Variants in CAMK4 observed in about 807,000 individuals in gnomAD.
CAMK4 encodes calcium/calmodulin dependent protein kinase IV, also known as calcium/calmodulin-dependent protein kinase type IV.
In CAMK4, 22 loss-of-function variants were observed where a neutral mutation model predicts 44.9. That is an observed-to-expected ratio of 0.49 (90% CI 0.35 to 0.70). The LOEUF (loss-of-function observed/expected upper bound fraction) is 0.70, where lower values mean the gene tolerates loss of function less well. Among genes scored for constraint, CAMK4 ranks in the 30% least tolerant of loss-of-function variants. CAMK4 has a pLI of 0.01. For synonymous variants in CAMK4, 218 were observed against 215.4 expected (o/e 1.01, Z -0.11); for missense variants, 498 against 586.8 (o/e 0.85, Z 1.56).
chr5:111,353,570 G>A (rs561552102), intron 2 of CAMK4, among the ~76,000 whole-genome samples: 1 of 152,068 alleles, frequency 6.6e-6, no homozygotes, highest in African/African-American at 2.4e-5. Context: ...AATTGTCTCT[G>A]TAGATTATAT....
chr5:111,298,052 C>A (rs188159134), intron 1 of CAMK4, among the ~76,000 whole-genome samples: 1 of 152,232 alleles, frequency 6.6e-6, no homozygotes, highest in Non-Finnish European at 1.5e-5. Flanking sequence ...GAAGTGCTGT[C>A]CTCACCATAG....
At position 111,441,597 on chromosome 5, in the gene CAMK4, A is replaced by T. The variant is rs538934263; in HGVS notation, c.460-5089A>T. On this transcript the variant is annotated intron_variant, in intron 5 of 10. Transcript: ENST00000282356. ...TTAGACTGACATAGCAGATTTTAAAAATCTTCTCCCCAGTTCTTCTCCCCA... is the reference window on the plus strand; with the variant it reads ...TTAGACTGACATAGCAGATTTTAAATATCTTCTCCCCAGTTCTTCTCCCCA... Among the ~76,000 whole-genome samples, 3 of 152,192 alleles carry T rather than the reference A, an allele frequency of 2.0e-5. No homozygotes were observed. In the South Asian group the frequency reaches 6.2e-4, roughly 32 times the overall value.
intron 7 of CAMK4, among the ~76,000 whole-genome samples, chr5:111,453,784 CT>C (rs1400320644): frequency 2.2e-4 from 34 of 152,156 alleles, no homozygotes; most frequent in Non-Finnish European, 4.6e-4. Flanking sequence ...AGACTACTGC[CT>C]TTTGGGGTAT....
In CAMK4 at chr5:111,482,683, G is replaced by A. The variant is rs1755473701; in HGVS notation, c.829-102G>A. The A allele has an allele frequency of 1.1e-6, 1 of 944,440 alleles. No homozygotes were observed. The highest frequency in any genetic ancestry group is 2.4e-5 in the Admixed American group (1 of 41,192). The allele number at this position is 944,440 out of a possible 1,614,324, so 58.5% of individuals were successfully genotyped here. ...ATTTTTTTCTCACATATATTTAGTG[G>A]TACTGCTGGGAAATGGAATAAGATC... is the stretch of plus-strand genomic sequence containing the variant. On this transcript the variant is annotated intron_variant, in intron 9 of 10. Coordinates refer to ENST00000282356, the MANE Select transcript of CAMK4 (RefSeq NM_001744.6). This position sits in a 1 kb window ranked among gnomAD's most constrained non-coding sequence, Gnocchi z 4.9.
At chr5:111,404,998 G>A (rs927658518) in intron 5 of CAMK4, among the ~76,000 whole-genome samples, 1 of 152,098 alleles carries the variant, frequency 6.6e-6, no homozygotes, top group African/African-American at 2.4e-5. Flanking sequence ...AGATACAGAG[G>A]TCAAGAAATT....
intron 1 of CAMK4, among the ~76,000 whole-genome samples, chr5:111,325,026 T>C (rs2112703943): frequency 6.7e-6 from 1 of 149,242 alleles, no homozygotes; most frequent in African/African-American, 2.5e-5. Flanking sequence ...CAGGCCATGG[T>C]GAGTGATGTT....
intron 4 of CAMK4, among the ~76,000 whole-genome samples, chr5:111,386,531 G>A (rs7718727): frequency 1.8e-3 from 280 of 152,324 alleles, no homozygotes; most frequent in Non-Finnish European, 2.0e-3. Context: ...TGCTGTGCGC[G>A]TGTTAACTGC....
chr5:111,299,654 G>GT (rs1747638220), intron 1 of CAMK4, among the ~76,000 whole-genome samples: 1 of 152,048 alleles, frequency 6.6e-6, no homozygotes, highest in South Asian at 2.1e-4. Context: ...AATTTCCCTT[G>GT]TTCCTTTTTA....
chr5:111,286,766 T>G (rs1751253153), intron 1 of CAMK4, among the ~76,000 whole-genome samples: 1 of 152,136 alleles, frequency 6.6e-6, no homozygotes, highest in Admixed American at 6.5e-5. Flanking sequence ...ACATAAAATT[T>G]TTGTCTAAGC....
chr5:111,327,641 C>T (rs1441375765), intron 1 of CAMK4, among the ~76,000 whole-genome samples: 47 of 151,644 alleles, frequency 3.1e-4, no homozygotes, highest in African/African-American at 1.1e-3. Flanking sequence ...TAAAAATGTT[C>T]CTATTTCTCC....
At chr5:111,426,434 A>G (rs1753228219) in intron 5 of CAMK4, among the ~76,000 whole-genome samples, 1 of 152,214 alleles carries the variant, frequency 6.6e-6, no homozygotes, top group Non-Finnish European at 1.5e-5. Context: ...TTAGTAAAGA[A>G]TATAAGATTT....
At chr5:111,302,491 C>T (rs1468863634) in intron 1 of CAMK4, 3 of 143,888 alleles carry the variant, frequency 2.1e-5, no homozygotes, top group Non-Finnish European at 4.5e-5. Flanking sequence ...GACGGACGCA[C>T]CTGGAAAATC....
intron 5 of CAMK4, among the ~76,000 whole-genome samples, chr5:111,443,242 C>CTATA (rs1753888099): frequency 1.5e-5 from 1 of 65,824 alleles, no homozygotes; most frequent in African/African-American, 6.6e-5. Context: ...CCTCCCCCTA[C>CTATA]CATATATATA....
At chr5:111,346,730 A>G (rs1175523027) in intron 2 of CAMK4, among the ~76,000 whole-genome samples, 1 of 151,898 alleles carries the variant, frequency 6.6e-6, no homozygotes, top group Non-Finnish European at 1.5e-5. Context: ...GACAGCCAGA[A>G]ATCTGTGGCA....
chr5:111,293,769 C>T (rs1209733894), intron 1 of CAMK4, among the ~76,000 whole-genome samples: 12 of 92,076 alleles, frequency 1.3e-4, no homozygotes, highest in African/African-American at 5.2e-4. Flanking sequence ...TTTTTTGAGA[C>T]GGAGTCTCCC....
chr5:111,494,083 T>G lies in CAMK4; in HGVS notation c.*9617T>G, dbSNP rs945924891. The G allele has an allele frequency of 6.6e-6, 1 of 152,120 alleles. No individual in the cohort carries two copies. The highest frequency in any genetic ancestry group is 1.5e-5 in the Non-Finnish European group (1 of 68,016). The allele number at this position is 152,120 out of a possible 1,614,324, so 9.4% of individuals were successfully genotyped here. A position where few individuals can be genotyped will look rare whatever the true frequency, so the allele number is the denominator to read the frequency against. ...CTGGGTTGCTGAAAGCTTTCTGGAC[T>G]AAAAGGATATAAGCAGCTCAATAGC... is the stretch of plus-strand genomic sequence containing the variant. On this transcript the variant is annotated 3_prime_UTR_variant, in exon 11 of 11. Coordinates refer to ENST00000282356, the MANE Select transcript of CAMK4 (RefSeq NM_001744.6).
chr5:111,398,305 G>A (rs1455328585), intron 5 of CAMK4, among the ~76,000 whole-genome samples: 2 of 152,162 alleles, frequency 1.3e-5, no homozygotes, highest in Non-Finnish European at 2.9e-5. Flanking sequence ...TCCTTCCCTA[G>A]TCCAGTCAGC....
rs200411085 is a variant in CAMK4, at chr5:111,394,686, G to A, written c.387-24G>A. On this transcript the variant is annotated intron_variant, in intron 4 of 10. Coordinates refer to ENST00000282356, the MANE Select transcript of CAMK4 (RefSeq NM_001744.6). ...TCTTCTGAATGAATGTGCCTGAGAA[G>A]CATTTCCTTTCTTTTTGTTCCAGGA... 20 of 1,541,954 alleles carry A rather than the reference G, an allele frequency of 1.3e-5. No homozygotes were observed. The East Asian group carries it at 1.6e-4, about 12-fold the overall frequency.
At chr5:111,328,429 T>G (rs991895361) in intron 1 of CAMK4, among the ~76,000 whole-genome samples, 3 of 152,102 alleles carry the variant, frequency 2.0e-5, no homozygotes, top group Non-Finnish European at 2.9e-5. Context: ...TAGTGTAGTT[T>G]GAAGTCAGGT....
Sources: allele counts gnomAD v4.1 joint callset (sites outside exome capture counted in the v4.1 genomes callset), GRCh38; gene constraint gnomAD v4.1.1; non-coding constraint Gnocchi (gnomAD v3.1); transcripts MANE v1.5; gene names NCBI Gene and HGNC (gene_info 2026-07-23, HGNC 2026-07-21).